Variants in TAOK3 observed in about 807,000 individuals in gnomAD.
TAOK3 encodes the protein TAO kinase 3.
In TAOK3, 40 loss-of-function variants were observed where a neutral mutation model predicts 120.4. The observed-to-expected ratio is 0.33, with a 90% CI of 0.26 to 0.43. The LOEUF is 0.43. Among genes scored for constraint, TAOK3 ranks in the 20% least tolerant of loss-of-function variants. The pLI is 1.00. For missense variants in TAOK3, 821 were observed against 1,112.1 expected (o/e 0.74, Z 3.72); for synonymous variants, 355 against 387.5 (o/e 0.92, Z 0.99).
chr12:118,263,459 G>C (rs2041317707), intron 2 of TAOK3, among the ~76,000 whole-genome samples: 2 of 152,094 alleles, frequency 1.3e-5, no homozygotes, highest in Non-Finnish European at 2.9e-5. Flanking sequence ...ATAACCCAAA[G>C]CACAATCCAT....
intron 1 of TAOK3, among the ~76,000 whole-genome samples, 189 bp from the exon 2 acceptor site, chr12:118,266,948 G>C (rs968174660): frequency 1.3e-5 from 2 of 152,124 alleles, no homozygotes; most frequent in African/African-American, 4.8e-5. Flanking sequence ...TCTTTCACAG[G>C]CAATATCTGG....
At chr12:118,201,950 C>G (rs2139289351) in intron 11 of TAOK3, among the ~76,000 whole-genome samples, 1 of 152,084 alleles carries the variant, frequency 6.6e-6, no homozygotes, top group East Asian at 1.9e-4. Context: ...TACCATTTGA[C>G]TTTCATCTTT....
At chr12:118,212,357 A>C (rs2052043178) in intron 11 of TAOK3, among the ~76,000 whole-genome samples, 1 of 152,268 alleles carries the variant, frequency 6.6e-6, no homozygotes, top group Admixed American at 6.5e-5. Flanking sequence ...CTATGTATAA[A>C]GTCTACAGTA....
chr12:118,278,794 C>T (rs2041991846), intron 1 of TAOK3, among the ~76,000 whole-genome samples: 1 of 152,100 alleles, frequency 6.6e-6, no homozygotes, highest in African/African-American at 2.4e-5. Flanking sequence ...GCTACCTTGA[C>T]AGCATCTGTT....
chr12:118,185,476 T>C (rs2037018789), intron 14 of TAOK3, among the ~76,000 whole-genome samples: 1 of 152,116 alleles, frequency 6.6e-6, no homozygotes, highest in African/African-American at 2.4e-5. Flanking sequence ...ATTAATAATA[T>C]GTAGGAATCA....
At chr12:118,303,778 GCTGGGATTACAGGCAC>G (rs1316902736) in intron 1 of TAOK3, among the ~76,000 whole-genome samples, 1 of 152,128 alleles carries the variant, frequency 6.6e-6, no homozygotes, top group Non-Finnish European at 1.5e-5. Flanking sequence ...TTCCTGAGTA[GCTGGGATTACAGGCAC>G]CTGCCAGCAT....
chr12:118,265,259 C>T (rs1440815237), intron 2 of TAOK3, among the ~76,000 whole-genome samples: 1 of 151,792 alleles, frequency 6.6e-6, no homozygotes, highest in East Asian at 1.9e-4. Flanking sequence ...CATGGTGGCG[C>T]TTGCCTGTAA....
intron 13 of TAOK3, among the ~76,000 whole-genome samples, chr12:118,198,017 G>C (rs144814294): frequency 6.6e-6 from 1 of 152,194 alleles, no homozygotes; most frequent in East Asian, 1.9e-4. Context: ...AAGGACACCA[G>C]CTGGCAATGC....
intron 9 of TAOK3, among the ~76,000 whole-genome samples, chr12:118,228,594 T>A (rs1346039150): frequency 6.6e-6 from 1 of 152,252 alleles, no homozygotes; most frequent in Non-Finnish European, 1.5e-5. Context: ...TGATGATACA[T>A]GTAGATCCAG....
intron 1 of TAOK3, among the ~76,000 whole-genome samples, chr12:118,331,920 G>A (rs886490272): frequency 2.0e-5 from 3 of 150,990 alleles, no homozygotes; most frequent in Non-Finnish European, 2.9e-5. Flanking sequence ...TCCGCCTCCT[G>A]GGTTCAAGCA....
chr12:118,301,222 G>A (rs1446090836), intron 1 of TAOK3, among the ~76,000 whole-genome samples: 2 of 152,150 alleles, frequency 1.3e-5, no homozygotes, highest in Non-Finnish European at 2.9e-5. Flanking sequence ...GTTAGATAGT[G>A]TAATGCCATA....
At chr12:118,269,567 G>A (rs1304945270) in intron 1 of TAOK3, among the ~76,000 whole-genome samples, 1 of 151,470 alleles carries the variant, frequency 6.6e-6, no homozygotes, top group South Asian at 2.1e-4. Context: ...ATGGGGTTTC[G>A]TTATATTGGC....
chr12:118,259,000 A>G (rs1286334441), intron 2 of TAOK3, among the ~76,000 whole-genome samples: 5 of 152,208 alleles, frequency 3.3e-5, no homozygotes, highest in Non-Finnish European at 5.9e-5. Context: ...ATTATAGACT[A>G]AAATCATTTT....
chr12:118,250,252 C>T (rs766936916), intron 3 of TAOK3, among the ~76,000 whole-genome samples: 11 of 152,078 alleles, frequency 7.2e-5, no homozygotes, highest in Non-Finnish European at 8.8e-5. Context: ...TGAGCCACCA[C>T]GCCCAACCAA....
At chr12:118,224,343 G>A (rs1429175741) in intron 9 of TAOK3, among the ~76,000 whole-genome samples, 1 of 152,132 alleles carries the variant, frequency 6.6e-6, no homozygotes, top group African/African-American at 2.4e-5. Flanking sequence ...CCCCAACAAC[G>A]ATCATGGTAT....
At chr12:118,180,948 A>G (rs795478) in intron 15 of TAOK3, among the ~76,000 whole-genome samples, 109,341 of 151,542 alleles carry the variant, frequency 0.72, 39,522 homozygotes, top group South Asian at 0.76. Flanking sequence ...AGGTTCAAGC[A>G]ATTCTCCTGC....
At position 118,262,826 on chromosome 12, in the gene TAOK3, C is replaced by CAAAA. The variant is rs61453663; in HGVS notation, c.-89+3825_-89+3828dup. Among the ~76,000 whole-genome samples, 507 of 73,766 alleles carry CAAAA rather than the reference C, an allele frequency of 6.9e-3. 12 individuals carry two copies. Among genetic ancestry groups the CAAAA allele is most frequent in the African/African-American group, 0.023 (484 of 20,726 alleles). 48.4% of individuals were successfully genotyped at this position (73,766 alleles called of 152,430 possible). On this transcript the variant is annotated intron_variant, in intron 2 of 20. Transcript: ENST00000392533. Reference sequence around the variant, plus strand: ...TGGGTGACAGAGCAAGACTCCGTCTCAAAAAAAAAAAAAAAAAGCGAAATA... The same window carrying CAAAA: ...TGGGTGACAGAGCAAGACTCCGTCTCAAAAAAAAAAAAAAAAAAAAAGCGAAATA...
At chr12:118,256,231 T>A (rs1295628694) in intron 2 of TAOK3, among the ~76,000 whole-genome samples, 1 of 152,226 alleles carries the variant, frequency 6.6e-6, no homozygotes, top group Non-Finnish European at 1.5e-5. Flanking sequence ...TACCATTGCA[T>A]ACTCACTAGG....
At chr12:118,162,076 C>T in intron 17 of TAOK3, 49 bp from the exon 18 acceptor site, 1 of 1,598,104 alleles carries the variant, frequency 6.3e-7, no homozygotes, top group African/African-American at 1.3e-5. Context: ...TGGAGATGAA[C>T]TGGAAGGAAT....
Sources: allele counts gnomAD v4.1 joint callset (sites outside exome capture counted in the v4.1 genomes callset), GRCh38; gene constraint gnomAD v4.1.1; transcripts MANE v1.5; gene names NCBI Gene and HGNC (gene_info 2026-07-23, HGNC 2026-07-21).